The following AUTS2 variants were observed in gnomAD, a reference collection of about 807,000 sequenced individuals.
The protein encoded by AUTS2 is autism susceptibility gene 2 protein.
AUTS2 carries 17 observed loss-of-function variants against 112.4 expected under a neutral mutation model. That is an observed-to-expected ratio of 0.15 (90% CI 0.10 to 0.23). AUTS2 has a LOEUF of 0.23. AUTS2 is among the 10% of genes least tolerant of loss of function. AUTS2 has a pLI of 1.00. For synonymous variants in AUTS2, 751 were observed against 702.7 expected, an observed-to-expected ratio of 1.07 and a Z score of -1.09; for missense variants, 1,510 against 1,701.6, an observed-to-expected ratio of 0.89 and a Z score of 1.98.
At chr7:70,649,790 G>A (rs928369826) in intron 5 of AUTS2, among the ~76,000 whole-genome samples, 1 of 152,128 alleles carries the variant, frequency 6.6e-6, no homozygotes, top group Non-Finnish European at 1.5e-5. Flanking sequence ...GGTGTCCAAA[G>A]TGCTGGGATT....
intron 4 of AUTS2, among the ~76,000 whole-genome samples, chr7:70,227,636 T>C (rs1811835501): frequency 6.6e-6 from 1 of 152,118 alleles, no homozygotes; most frequent in African/African-American, 2.4e-5. Flanking sequence ...GTATATTCTA[T>C]TTTTATTTCT....
At chr7:69,760,619 G>T (rs6975211) in intron 1 of AUTS2, among the ~76,000 whole-genome samples, 15,130 of 152,056 alleles carry the variant, frequency 0.1, 1,203 homozygotes, top group African/African-American at 0.22. Flanking sequence ...TCAGGAGTTT[G>T]AGACCAGCCT....
At chr7:70,401,466 A>T (rs1794324751) in intron 4 of AUTS2, among the ~76,000 whole-genome samples, 1 of 152,232 alleles carries the variant, frequency 6.6e-6, no homozygotes, top group African/African-American at 2.4e-5. Context: ...GGAGCTGACC[A>T]CAGGACATGA....
At chr7:70,556,585 A>T (rs138932395) in intron 5 of AUTS2, among the ~76,000 whole-genome samples, 1 of 151,810 alleles carries the variant, frequency 6.6e-6, no homozygotes, top group Admixed American at 6.6e-5. Context: ...CCCTTCCTTC[A>T]CTTCTTTACC....
At chr7:70,238,562 A>G (rs1042956853) in intron 4 of AUTS2, among the ~76,000 whole-genome samples, 1 of 152,150 alleles carries the variant, frequency 6.6e-6, no homozygotes, top group Non-Finnish European at 1.5e-5. Flanking sequence ...CCAAGGAGTC[A>G]GATGCTTTCA....
chr7:70,246,634 C>T (rs1812936509), intron 4 of AUTS2, among the ~76,000 whole-genome samples: 1 of 151,886 alleles, frequency 6.6e-6, no homozygotes, highest in Non-Finnish European at 1.5e-5. Context: ...CAGTCTCCCT[C>T]CCCCACCTCT....
intron 5 of AUTS2, among the ~76,000 whole-genome samples, chr7:70,565,388 G>A (rs1801666181): frequency 6.6e-6 from 1 of 152,124 alleles, no homozygotes. Context: ...AGGAATAGAA[G>A]GTTACTATGC....
chr7:70,712,388 G>A (rs529264775), intron 6 of AUTS2, among the ~76,000 whole-genome samples: 4 of 151,776 alleles, frequency 2.6e-5, no homozygotes, highest in African/African-American at 4.8e-5. Context: ...CTTTCCGGTC[G>A]CAATGCTTAG....
At chr7:70,700,331 G>A (rs1809382844) in intron 6 of AUTS2, among the ~76,000 whole-genome samples, 1 of 152,156 alleles carries the variant, frequency 6.6e-6, no homozygotes, top group South Asian at 2.1e-4. Context: ...GTTTCTTTGT[G>A]TACACTAAAA....
chr7:69,844,296 C>T (rs534585990), intron 1 of AUTS2, among the ~76,000 whole-genome samples: 9 of 152,230 alleles, frequency 5.9e-5, no homozygotes, highest in African/African-American at 1.9e-4. Flanking sequence ...TTTTTGCCCA[C>T]CTGGTACTTA....
intron 2 of AUTS2, among the ~76,000 whole-genome samples, chr7:69,917,849 G>GTTA (rs1795650507): frequency 6.6e-6 from 1 of 151,830 alleles, no homozygotes; most frequent in Admixed American, 6.6e-5. Context: ...TGTTGTTGTT[G>GTTA]TTGTTGTTGT....
chr7:69,972,464 C>T (rs990359124), intron 2 of AUTS2, among the ~76,000 whole-genome samples: 2 of 152,112 alleles, frequency 1.3e-5, no homozygotes, highest in Non-Finnish European at 2.9e-5. Flanking sequence ...TTGATGCAGT[C>T]CAGTGTATGG....
chr7:70,346,883 T>G (rs1791520970), intron 4 of AUTS2, among the ~76,000 whole-genome samples: 1 of 152,178 alleles, frequency 6.6e-6, no homozygotes, highest in South Asian at 2.1e-4. Context: ...ATAAGTGGCT[T>G]TGTGACTTGG....
At chr7:69,749,056 T>C (rs1460942281) in intron 1 of AUTS2, among the ~76,000 whole-genome samples, 1 of 152,140 alleles carries the variant, frequency 6.6e-6, no homozygotes, top group Non-Finnish European at 1.5e-5. Context: ...CCAGCTTCTC[T>C]GTCTATAAAT....
At chr7:70,589,656 G>C (rs1166162354) in intron 5 of AUTS2, among the ~76,000 whole-genome samples, 3 of 152,236 alleles carry the variant, frequency 2.0e-5, no homozygotes. Flanking sequence ...GGAGGTTGCA[G>C]TGAGCCGAGA....
intron 5 of AUTS2, among the ~76,000 whole-genome samples, chr7:70,477,622 A>G (rs1283888641): frequency 6.6e-6 from 1 of 152,210 alleles, no homozygotes; most frequent in Non-Finnish European, 1.5e-5. Flanking sequence ...TGACATTTCC[A>G]TAATTAATTT....
intron 6 of AUTS2, among the ~76,000 whole-genome samples, chr7:70,701,264 G>C (rs1809441938): frequency 6.6e-6 from 1 of 152,228 alleles, no homozygotes; most frequent in South Asian, 2.1e-4. Flanking sequence ...GGGGGGCGCA[G>C]CCCTGATGTT....
intron 2 of AUTS2, among the ~76,000 whole-genome samples, chr7:69,977,312 G>A (rs182791510): frequency 5.3e-5 from 8 of 152,168 alleles, no homozygotes; most frequent in East Asian, 1.9e-4. Flanking sequence ...ATCTGTCTTC[G>A]TGCCAGTACC....
chr7:69,884,211 C>G (rs1008337332), intron 1 of AUTS2, among the ~76,000 whole-genome samples: 6 of 152,330 alleles, frequency 3.9e-5, no homozygotes, highest in South Asian at 2.1e-4. Context: ...ACTCAAAACT[C>G]TGCTGAGCTC....
Sources: allele counts gnomAD v4.1 joint callset (sites outside exome capture counted in the v4.1 genomes callset), GRCh38; gene constraint gnomAD v4.1.1; transcripts MANE v1.5; gene names NCBI Gene and HGNC (gene_info 2026-07-23, HGNC 2026-07-21).